EFNB2: variants seen among roughly 807,000 people sequenced by gnomAD.
EFNB2 encodes the protein ephrin B2.
EFNB2 carries 5 observed loss-of-function variants against 32.1 expected under a neutral mutation model. The ratio of observed to expected loss-of-function variants is 0.16; its 90% CI spans 0.08 to 0.33. The LOEUF (loss-of-function observed/expected upper bound fraction) is 0.33. Among genes scored for constraint, EFNB2 ranks in the 10% least tolerant of loss-of-function variants. The pLI, the probability that EFNB2 is intolerant of heterozygous loss-of-function variation, is 1.00. For synonymous variants in EFNB2, 168 were observed against 166.5 expected (o/e 1.01, Z -0.07); for missense variants, 263 against 422.6 (o/e 0.62, Z 3.31).
intron 2 of EFNB2, among the ~76,000 whole-genome samples, chr13:106,507,401 C>T (rs1224356147): frequency 2.6e-5 from 4 of 152,164 alleles, no homozygotes; most frequent in African/African-American, 9.7e-5. Flanking sequence ...GCCAAACCTA[C>T]ACCCCAGAAA....
At chr13:106,525,995 G>A (rs904682138) in intron 1 of EFNB2, among the ~76,000 whole-genome samples, 4 of 143,984 alleles carry the variant, frequency 2.8e-5, no homozygotes, top group African/African-American at 7.8e-5. Context: ...TGTGTAGGGC[G>A]AGGGTTCTCA....
rs760433262 is a variant in EFNB2, at chr13:106,495,802, C to T, written c.445G>A (p.Glu149Lys). ...NGSLEGLDNQ[E>K]GGVCQTRAMK... ...GCTCTTGTCTGGCACACCCCTCCCT[C>T]CTGGTTATCCAGGCCCTCCAAAGAC... The change falls in exon 3 of 5, where the codon GAG becomes AAG. Residue 149 changes from glutamate to lysine, a missense_variant. Physicochemically the swap from Glu to Lys is moderately conservative, Grantham distance 56 (BLOSUM62 1). Around this residue, in one of 3 missense-constraint regions of EFNB2, gnomAD observed 45 missense variants for 128.6 expected, o/e 0.35. Coordinates refer to ENST00000646441, the MANE Select transcript of EFNB2 (RefSeq NM_004093.4). The T allele has an allele frequency of 1.2e-6, 2 of 1,614,086 alleles. No homozygotes were observed. The highest frequency in any genetic ancestry group is 1.7e-6 in the Non-Finnish European group (2 of 1,179,994).
chr13:106,515,413 C>T (rs2138925019), intron 1 of EFNB2, among the ~76,000 whole-genome samples: 1 of 152,214 alleles, frequency 6.6e-6, no homozygotes, highest in East Asian at 1.9e-4. Flanking sequence ...GGTGGGGAGG[C>T]TCACATTTCA....
intron 2 of EFNB2, among the ~76,000 whole-genome samples, chr13:106,508,356 T>C (rs1378798109): frequency 2.6e-5 from 4 of 152,124 alleles, no homozygotes; most frequent in African/African-American, 9.7e-5. Context: ...AAAAAAACTT[T>C]AAAGACAATA....
intron 1 of EFNB2, among the ~76,000 whole-genome samples, chr13:106,528,219 G>A (rs1025849771): frequency 8.5e-5 from 13 of 152,150 alleles, no homozygotes; most frequent in African/African-American, 3.1e-4. Flanking sequence ...GATATGGCCA[G>A]CCTATATGCA....
intron 1 of EFNB2, among the ~76,000 whole-genome samples, chr13:106,533,447 A>G (rs1879950902): frequency 6.6e-6 from 1 of 152,266 alleles, no homozygotes; most frequent in African/African-American, 2.4e-5. Context: ...GCAAGAGCAG[A>G]CTACATGGAA....
intron 2 of EFNB2, among the ~76,000 whole-genome samples, chr13:106,497,025 A>AT (rs1185964809): frequency 2.0e-5 from 3 of 152,200 alleles, no homozygotes; most frequent in Non-Finnish European, 4.4e-5. Context: ...AAAAGGATTG[A>AT]TTTTCTGGTA....
rs952740482 is a variant in EFNB2, at chr13:106,535,462, G to T, written c.-498C>A. On this transcript the variant is annotated 5_prime_UTR_variant, in exon 1 of 5. Transcript: ENST00000646441. ...GGTTCCATGTCCCGGAGCACGGAGC[G>T]GAGTAGGGCGCCTCCGGGCGCGCAG... is the stretch of plus-strand genomic sequence containing the variant. 1 of 150,234 alleles carries T rather than the reference G, an allele frequency of 6.7e-6. No individual in the cohort carries two copies. Among genetic ancestry groups the T allele is most frequent in the African/African-American group, 2.4e-5 (1 of 41,178 alleles). The allele number at this position is 150,234 out of a possible 1,614,324, so 9.3% of individuals were successfully genotyped here.
intron 1 of EFNB2, among the ~76,000 whole-genome samples, chr13:106,526,138 C>T (rs1879693092): frequency 6.6e-6 from 1 of 152,114 alleles, no homozygotes; most frequent in African/African-American, 2.4e-5. Context: ...TTTCTCAAGC[C>T]CTGCAGGGGA....
chr13:106,530,263 C>A (rs1412165802), intron 1 of EFNB2, among the ~76,000 whole-genome samples: 1 of 152,132 alleles, frequency 6.6e-6, no homozygotes, highest in African/African-American at 2.4e-5. Context: ...CTTCTAATTC[C>A]CCCCTTAAAA....
rs990816861 is a variant in EFNB2 at position 106,493,788 on chromosome 13, G to A, written c.614-360C>T. Reference sequence around the variant, plus strand: ...GAAGTGGCCAATTCTCCAGGTCAGCGGTGAGCGTTTATGTGGTATTGCTCT... The same window carrying A: ...GAAGTGGCCAATTCTCCAGGTCAGCAGTGAGCGTTTATGTGGTATTGCTCT... On this transcript the variant is annotated intron_variant, in intron 4 of 4. Coordinates refer to ENST00000646441, the MANE Select transcript of EFNB2 (RefSeq NM_004093.4). The surrounding 1 kb of genome is among the most constrained non-coding windows in gnomAD (Gnocchi z 6.1). Among the ~76,000 whole-genome samples, 20 of 152,284 alleles carry A rather than the reference G, an allele frequency of 1.3e-4. No individual in the cohort carries two copies. In the East Asian group the frequency reaches 3.3e-3, roughly 25 times the overall value.
At chr13:106,532,686 T>A (rs1282885807) in intron 1 of EFNB2, among the ~76,000 whole-genome samples, 1 of 152,120 alleles carries the variant, frequency 6.6e-6, no homozygotes, top group East Asian at 1.9e-4. Context: ...ATCAGGAGAA[T>A]TTTAAAAGAA....
At chr13:106,527,151 G>A (rs1449068732) in intron 1 of EFNB2, among the ~76,000 whole-genome samples, 3 of 152,100 alleles carry the variant, frequency 2.0e-5, no homozygotes, top group African/African-American at 7.2e-5. Flanking sequence ...GGATAAGGCC[G>A]CAGTGGCAAT....
At chr13:106,534,794 G>A (rs1880007753) in intron 1 of EFNB2, 49 bp downstream of exon 1, 1 of 1,568,668 alleles carries the variant, frequency 6.4e-7, no homozygotes, top group Non-Finnish European at 8.7e-7. Flanking sequence ...CCCGGACGGC[G>A]CGGCGGACCC....
intron 1 of EFNB2, among the ~76,000 whole-genome samples, chr13:106,528,477 A>C (rs540411913): frequency 1.0e-4 from 15 of 150,034 alleles, no homozygotes; most frequent in African/African-American, 3.3e-4. Flanking sequence ...CTTTAAAAAA[A>C]AAAAACAACA....
At chr13:106,495,357 T>C (rs1051757362) in intron 3 of EFNB2, among the ~76,000 whole-genome samples, 1 of 151,648 alleles carries the variant, frequency 6.6e-6, no homozygotes, top group Non-Finnish European at 1.5e-5. Flanking sequence ...AAAGTCACAA[T>C]GAACAAAACT....
chr13:106,495,142 C>A lies in EFNB2; in HGVS notation c.500-148G>T, dbSNP rs909963218. 6.1e-6 allele frequency: 4 copies of A among 653,596 alleles called. No individual in the cohort carries two copies. In the African/African-American group the frequency reaches 7.3e-5, roughly 12 times the overall value. The allele number at this position is 653,596 out of a possible 1,614,324, so 40.5% of individuals were successfully genotyped here. A position where few individuals can be genotyped will look rare whatever the true frequency, so the allele number is the denominator to read the frequency against. ...TGTGAAATACAAGAATATAATTTTT[C>A]TTTTAAAACAAAATGGTTATACTAG... is the stretch of plus-strand genomic sequence containing the variant. On this transcript the variant is annotated intron_variant, in intron 3 of 4. Coordinates refer to ENST00000646441, the MANE Select transcript of EFNB2 (RefSeq NM_004093.4).
chr13:106,526,893 G>A (rs1408267319), intron 1 of EFNB2, among the ~76,000 whole-genome samples: 3 of 152,298 alleles, frequency 2.0e-5, no homozygotes, highest in South Asian at 4.1e-4. Flanking sequence ...TCTGAAGGTC[G>A]GAAATTCTTT....
chr13:106,498,345 G>A (rs144117547), intron 2 of EFNB2, among the ~76,000 whole-genome samples: 35 of 152,316 alleles, frequency 2.3e-4, no homozygotes, highest in African/African-American at 4.1e-4. Flanking sequence ...TGAGAACTGC[G>A]TCTGCAGAGG....
Sources: gnomAD v4.1 joint callset for allele counts (sites outside exome capture counted in the v4.1 genomes callset) on GRCh38, gnomAD v4.1.1 for gene constraint, gnomAD v4.1.1 regional missense constraint, Gnocchi (gnomAD v3.1) non-coding constraint, MANE v1.5 for transcripts, NCBI Gene and HGNC (gene_info 2026-07-23, HGNC 2026-07-21) for gene names.